Variants in ZNF385D observed in about 807,000 individuals in gnomAD.
The protein encoded by ZNF385D is zinc finger protein 659.
Under a neutral mutation model 35.8 loss-of-function variants are expected in ZNF385D, and 15 were observed. The ratio of observed to expected loss-of-function variants is 0.42; its 90% confidence interval spans 0.28 to 0.64. ZNF385D has a LOEUF of 0.64. Among genes scored for constraint, ZNF385D ranks in the 30% least tolerant of loss-of-function variants. The probability of loss-of-function intolerance (pLI) is 0.23; values close to 1 mark genes in which losing one functional copy is unlikely to be tolerated. For synonymous variants in ZNF385D, 212 were observed against 186.8 expected (o/e 1.13, Z -1.10); for missense variants, 474 against 494.6 (o/e 0.96, Z 0.39).
intron 3 of ZNF385D, among the ~76,000 whole-genome samples, chr3:22,109,833 G>T (rs1381168513): frequency 6.6e-6 from 1 of 152,128 alleles, no homozygotes; most frequent in African/African-American, 2.4e-5. Context: ...CCATCAGAGT[G>T]AACAGGCAGC....
intron 1 of ZNF385D, among the ~76,000 whole-genome samples, chr3:21,742,561 T>C (rs995258266): frequency 6.6e-6 from 1 of 152,178 alleles, no homozygotes; most frequent in Non-Finnish European, 1.5e-5. Flanking sequence ...TCGGCTCAGT[T>C]CTACCAATGA....
chr3:22,262,815 G>C (rs1256680594), intron 2 of ZNF385D, among the ~76,000 whole-genome samples: 2 of 151,702 alleles, frequency 1.3e-5, no homozygotes, highest in Non-Finnish European at 2.9e-5. Context: ...ACATCCTCAC[G>C]ATTTGCCATT....
intron 2 of ZNF385D, among the ~76,000 whole-genome samples, chr3:22,359,599 A>G (rs540829103): frequency 6.6e-6 from 1 of 151,988 alleles, no homozygotes; most frequent in African/African-American, 2.4e-5. Context: ...CAAGATTGGT[A>G]TCTACCATTT....
chr3:21,759,235 G>C (rs2125581264), intron 3 of ZNF385D, among the ~76,000 whole-genome samples: 1 of 152,190 alleles, frequency 6.6e-6, no homozygotes, highest in East Asian at 1.9e-4. Flanking sequence ...AGAAGCTACA[G>C]GTGGTGGAAC....
intron 2 of ZNF385D, chr3:21,579,086 C>T (rs2063577698): frequency 6.6e-6 from 1 of 152,156 alleles, no homozygotes; most frequent in African/African-American, 2.4e-5. Flanking sequence ...CTTTCAAAGA[C>T]AGTGAATGTC....
intron 3 of ZNF385D, among the ~76,000 whole-genome samples, chr3:21,821,029 T>C (rs527450979): frequency 6.6e-6 from 1 of 151,236 alleles, no homozygotes; most frequent in East Asian, 2.0e-4. Flanking sequence ...CTAAATGGAG[T>C]CAATAATTAA....
chr3:22,170,494 G>C, intron 2 of ZNF385D, among the ~76,000 whole-genome samples: 1 of 152,210 alleles, frequency 6.6e-6, no homozygotes, highest in South Asian at 2.1e-4. Flanking sequence ...TGAGTAAAAG[G>C]TTGGTCAGTA....
chr3:21,946,526 A>G (rs2125287362), intron 3 of ZNF385D, among the ~76,000 whole-genome samples: 1 of 152,212 alleles, frequency 6.6e-6, no homozygotes, highest in African/African-American at 2.4e-5. Context: ...TTCATGTAAC[A>G]CTATGTTAAA....
intron 2 of ZNF385D, among the ~76,000 whole-genome samples, chr3:22,327,444 G>A (rs111738923): frequency 1.1e-4 from 17 of 152,186 alleles, no homozygotes; most frequent in African/African-American, 3.4e-4. Flanking sequence ...TCCTGAAGTG[G>A]TGGTCCTAAA....
intron 2 of ZNF385D, among the ~76,000 whole-genome samples, chr3:22,231,811 T>G (rs2728995): frequency 0.4 from 60,536 of 151,924 alleles, 14,385 homozygotes; most frequent in East Asian, 0.73. Flanking sequence ...GGAAAATGAT[T>G]GGATCATAGG....
At chr3:22,119,402 T>C (rs1702971674) in intron 3 of ZNF385D, among the ~76,000 whole-genome samples, 1 of 152,214 alleles carries the variant, frequency 6.6e-6, no homozygotes, top group Non-Finnish European at 1.5e-5. Flanking sequence ...ACTATTTTAA[T>C]CTTAAAATGT....
chr3:21,497,817 C>T (rs978747783), intron 4 of ZNF385D, among the ~76,000 whole-genome samples: 1 of 152,014 alleles, frequency 6.6e-6, no homozygotes, highest in Non-Finnish European at 1.5e-5. Flanking sequence ...CCACTGCACT[C>T]CAGCTTGGGC....
At chr3:21,924,521 C>A (rs534017499) in intron 3 of ZNF385D, among the ~76,000 whole-genome samples, 271 of 152,288 alleles carry the variant, frequency 1.8e-3, no homozygotes, top group Non-Finnish European at 3.4e-3. Context: ...AAAATTGTGG[C>A]CCCAACACCA....
intron 4 of ZNF385D, among the ~76,000 whole-genome samples, chr3:21,466,891 A>G (rs897842382): frequency 1.3e-5 from 2 of 152,140 alleles, no homozygotes; most frequent in Non-Finnish European, 2.9e-5. Context: ...ATGAGAATAT[A>G]CTGGCCCAAA....
At chr3:21,992,850 T>C (rs1347545983) in intron 3 of ZNF385D, among the ~76,000 whole-genome samples, 1 of 152,206 alleles carries the variant, frequency 6.6e-6, no homozygotes, top group East Asian at 1.9e-4. Context: ...AAAATCTTCA[T>C]GTGTAAATCT....
chr3:22,047,905 C>T (rs1041306337), intron 3 of ZNF385D, among the ~76,000 whole-genome samples: 2 of 152,132 alleles, frequency 1.3e-5, no homozygotes, highest in African/African-American at 4.8e-5. Flanking sequence ...ACATCTTCAC[C>T]AACACCTACA....
chr3:21,742,230 TA>T (rs2069550099), intron 1 of ZNF385D, among the ~76,000 whole-genome samples: 1 of 152,334 alleles, frequency 6.6e-6, no homozygotes, highest in East Asian at 1.9e-4. Flanking sequence ...AAAGATTCAC[TA>T]ATTTGTCCAA....
intron 1 of ZNF385D, among the ~76,000 whole-genome samples, chr3:21,724,503 A>C (rs867386828): frequency 1.1e-5 from 1 of 94,082 alleles, no homozygotes; most frequent in Non-Finnish European, 2.5e-5. Context: ...AAAAAAAAAA[A>C]AAAAAAAAAA....
chr3:21,742,076 C>CT (rs57005547), intron 1 of ZNF385D, among the ~76,000 whole-genome samples: 37,298 of 152,106 alleles, frequency 0.25, 4,827 homozygotes, highest in South Asian at 0.38. Context: ...CTCCCCACTT[C>CT]TTTTACTAAT....
Sources: gnomAD v4.1 joint callset for allele counts (sites outside exome capture counted in the v4.1 genomes callset) on GRCh38, gnomAD v4.1.1 for gene constraint, MANE v1.5 for transcripts, NCBI Gene and HGNC (gene_info 2026-07-23, HGNC 2026-07-21) for gene names.